The following AEBP2 variants were observed in gnomAD, a reference collection of about 807,000 sequenced individuals.
AEBP2 encodes zinc finger protein AEBP2.
AEBP2 carries 10 observed loss-of-function variants against 50.8 expected under a neutral mutation model. The observed-to-expected ratio is 0.20, with a 90% confidence interval of 0.12 to 0.33. AEBP2 has a LOEUF of 0.33. Among genes scored for constraint, AEBP2 ranks in the 10% least tolerant of loss-of-function variants. The pLI is 1.00. For missense variants in AEBP2, 570 were observed against 688.0 expected (o/e 0.83, Z 1.92); for synonymous variants, 296 against 261.3 (o/e 1.13, Z -1.28).
Position 19,520,718 on chromosome 12 carries a change from C to T in AEBP2, c.*2601C>T, listed in dbSNP as rs900289646. ...TATATGTTGTCTATGCCTGCTTTCT[C>T]CTGCAGTGGCAGAATTGAGTGGTGA... On this transcript the variant is annotated 3_prime_UTR_variant, in exon 8 of 8. Transcript: ENST00000266508. 4.6e-5 allele frequency: 7 copies of T among 152,102 alleles called. No individual in the cohort carries two copies. The highest frequency in any genetic ancestry group is 1.7e-4 in the African/African-American group (7 of 41,422). 9.4% of individuals were successfully genotyped at this position (152,102 alleles called of 1,614,324 possible).
intron 1 of AEBP2, among the ~76,000 whole-genome samples, chr12:19,423,420 T>C (rs1385585680): frequency 6.6e-6 from 1 of 152,184 alleles, no homozygotes; most frequent in Non-Finnish European, 1.5e-5. Flanking sequence ...GCTTTAGGCA[T>C]GCTTGAAGAC....
At chr12:19,418,766 C>T (rs541424356) in intron 1 of AEBP2, among the ~76,000 whole-genome samples, 8 of 152,172 alleles carry the variant, frequency 5.3e-5, no homozygotes, top group African/African-American at 7.2e-5. Context: ...CACTGTGCCT[C>T]GGGCCATGGT....
At chr12:19,425,569 T>A (rs2095748105) in intron 1 of AEBP2, among the ~76,000 whole-genome samples, 1 of 151,412 alleles carries the variant, frequency 6.6e-6, no homozygotes, top group Admixed American at 6.6e-5. Flanking sequence ...AGTTTGAGAG[T>A]TCGAGACCAG....
At chr12:19,405,309 T>G (rs1773821189) in intron 1 of AEBP2, among the ~76,000 whole-genome samples, 1 of 151,884 alleles carries the variant, frequency 6.6e-6, no homozygotes, top group Admixed American at 6.6e-5. Flanking sequence ...GTATCTGGAA[T>G]TGTTATTTTT....
chr12:19,481,853 TTTTCTC>T (rs1335089126), intron 3 of AEBP2, among the ~76,000 whole-genome samples: 1 of 152,220 alleles, frequency 6.6e-6, no homozygotes, highest in Non-Finnish European at 1.5e-5. Flanking sequence ...TTATGATATT[TTTTCTC>T]TGGAGAATTT....
chr12:19,503,930 C>T (rs1387941012), intron 5 of AEBP2, among the ~76,000 whole-genome samples: 1 of 151,924 alleles, frequency 6.6e-6, no homozygotes, highest in African/African-American at 2.4e-5. Flanking sequence ...CTCCTGGGTT[C>T]AAGAGATCCT....
intron 1 of AEBP2, chr12:19,419,231 G>A (rs564003736): frequency 1.3e-5 from 2 of 152,900 alleles, no homozygotes; most frequent in African/African-American, 2.4e-5. Context: ...AGCACCCGGA[G>A]CCTCCTCCTC....
chr12:19,522,045 G>A lies in AEBP2; in HGVS notation c.*3928G>A, dbSNP rs911181282. ...AAGGAGATACTTTGTTTCTAAAAAA[G>A]GAGTTAAATCGTGTCACCTGAATTT... On this transcript the variant is annotated 3_prime_UTR_variant, in exon 8 of 8. Transcript: ENST00000266508. 6.6e-6 allele frequency: 1 copy of A among 151,898 alleles called. No individual in the cohort carries two copies. The highest frequency in any genetic ancestry group is 1.5e-5 in the Non-Finnish European group (1 of 67,948). The allele number at this position is 151,898 out of a possible 1,614,324, so 9.4% of individuals were successfully genotyped here. A position where few individuals can be genotyped will look rare whatever the true frequency, so the allele number is the denominator to read the frequency against.
chr12:19,442,924 G>A (rs1251675643), intron 1 of AEBP2, among the ~76,000 whole-genome samples: 1 of 152,056 alleles, frequency 6.6e-6, no homozygotes, highest in Non-Finnish European at 1.5e-5. Context: ...CTTCATTTTT[G>A]TAACCAGTGG....
At chr12:19,470,182 G>T (rs191522792) in intron 2 of AEBP2, among the ~76,000 whole-genome samples, 1 of 149,206 alleles carries the variant, frequency 6.7e-6, no homozygotes, top group South Asian at 2.1e-4. Flanking sequence ...TTTTTAAGAC[G>T]GAGTTTTGCT....
At chr12:19,465,620 C>G (rs752505773) in intron 2 of AEBP2, among the ~76,000 whole-genome samples, 2 of 151,730 alleles carry the variant, frequency 1.3e-5, no homozygotes, top group Non-Finnish European at 2.9e-5. Context: ...TCCAACTCCT[C>G]GACTCAAGCG....
At chr12:19,517,538 C>T (rs1378710949) in intron 7 of AEBP2, among the ~76,000 whole-genome samples, 5 of 152,144 alleles carry the variant, frequency 3.3e-5, no homozygotes, top group Non-Finnish European at 5.9e-5. Flanking sequence ...TTAAAGTATA[C>T]AGAAGGATGT....
chr12:19,520,308 G>A lies in AEBP2; in HGVS notation c.*2191G>A, dbSNP rs1003108952. ...TCTGATATTTTCTATATAGAGCACAGTAAATAAGTTTTTTCATTGTGTAGA... is the reference window on the plus strand; with the variant it reads ...TCTGATATTTTCTATATAGAGCACAATAAATAAGTTTTTTCATTGTGTAGA... On this transcript the variant is annotated 3_prime_UTR_variant, in exon 8 of 8. Coordinates refer to ENST00000266508, the MANE Select transcript of AEBP2 (RefSeq NM_153207.5). The A allele has an allele frequency of 3.3e-5, 5 of 152,126 alleles. No homozygotes were observed. The highest frequency in any genetic ancestry group is 5.9e-5 in the Non-Finnish European group (4 of 67,992). The allele number at this position is 152,126 out of a possible 1,614,324, so 9.4% of individuals were successfully genotyped here. A position where few individuals can be genotyped will look rare whatever the true frequency, so the allele number is the denominator to read the frequency against.
At chr12:19,406,028 G>A (rs1377232261) in intron 1 of AEBP2, among the ~76,000 whole-genome samples, 4 of 150,004 alleles carry the variant, frequency 2.7e-5, no homozygotes, top group Middle Eastern at 3.4e-3. Flanking sequence ...GTGCAGTGGT[G>A]CAATCTTGGC....
chr12:19,440,126 G>T lies in AEBP2; in HGVS notation c.427G>T (p.Gly143Cys). 2.0e-6 allele frequency: 3 copies of T among 1,505,718 alleles called. No homozygotes were observed. The South Asian group carries it at 3.7e-5, about 19-fold the overall frequency. 93.3% of individuals were successfully genotyped at this position (1,505,718 alleles called of 1,614,324 possible). A position where few individuals can be genotyped will look rare whatever the true frequency, so the allele number is the denominator to read the frequency against. The change falls in exon 1 of 8, where the codon GGC becomes TGC. Residue 143 changes from glycine (G) to cysteine (C), a missense_variant. Around this residue, in one of 2 missense-constraint regions of AEBP2, gnomAD observed 386 missense variants for 336.8 expected, o/e 1.15. Coordinates refer to ENST00000266508, the MANE Select transcript of AEBP2 (RefSeq NM_153207.5). Reference protein sequence around the residue: ...SSDETRSLSPGAASSSSGDGD... With the variant: ...SSDETRSLSPCAASSSSGDGD... ...CGACGAGACCCGCTCGTTGAGCCCC[G>T]GCGCCGCCAGCAGCAGCAGCGGGGA...
At chr12:19,418,309 C>T (rs891658802) in intron 1 of AEBP2, among the ~76,000 whole-genome samples, 5 of 151,330 alleles carry the variant, frequency 3.3e-5, no homozygotes, top group Non-Finnish European at 5.9e-5. Context: ...ACTGCAGCCT[C>T]GACCTCCTGG....
intron 1 of AEBP2, among the ~76,000 whole-genome samples, chr12:19,427,859 T>TA (rs931673779): frequency 5.9e-5 from 9 of 151,998 alleles, no homozygotes; most frequent in East Asian, 1.9e-4. Context: ...TTCTGGGAAT[T>TA]AAAAAAAATC....
At chr12:19,513,454 C>G (rs1176398136) in intron 6 of AEBP2, among the ~76,000 whole-genome samples, 2 of 151,978 alleles carry the variant, frequency 1.3e-5, no homozygotes, top group Admixed American at 6.6e-5. Flanking sequence ...TTATGTGTAC[C>G]TAATTCACGT....
intron 1 of AEBP2, chr12:19,457,564 AGTTCAGATG>A: frequency 6.8e-7 from 1 of 1,480,208 alleles, no homozygotes; most frequent in South Asian, 1.3e-5. Context: ...CCACATTTGT[AGTTCAGATG>A]GCCAGTAGTG....
Sources: allele counts gnomAD v4.1 joint callset (sites outside exome capture counted in the v4.1 genomes callset), GRCh38; gene constraint gnomAD v4.1.1; regional missense constraint gnomAD v4.1.1; transcripts MANE v1.5; gene names NCBI Gene and HGNC (gene_info 2026-07-23, HGNC 2026-07-21).